Variants in LRRIQ3 observed in about 807,000 individuals in gnomAD.
LRRIQ3 encodes leucine-rich repeat and IQ domain-containing protein 3.
LRRIQ3 carries 75 observed loss-of-function variants against 59.3 expected under a neutral mutation model. That is an observed-to-expected ratio of 1.26 (90% CI 1.05 to 1.53). The LOEUF is 1.53. Ranked by LOEUF, LRRIQ3 falls within the 40% of genes most tolerant of loss-of-function variation. The pLI, the probability that LRRIQ3 is intolerant of heterozygous loss-of-function variation, is 0.00. For missense variants in LRRIQ3, 831 were observed against 710.0 expected (o/e 1.17, Z -1.94); for synonymous variants, 250 against 231.3 (o/e 1.08, Z -0.73).
At chr1:74,114,535 G>C (rs958662104) in intron 4 of LRRIQ3, among the ~76,000 whole-genome samples, 1 of 152,012 alleles carries the variant, frequency 6.6e-6, no homozygotes, top group Non-Finnish European at 1.5e-5. Context: ...AGGAGATCGA[G>C]AGCATCCTGG....
At chr1:74,168,358 C>G (rs960456411) in intron 3 of LRRIQ3, among the ~76,000 whole-genome samples, 1 of 152,060 alleles carries the variant, frequency 6.6e-6, no homozygotes, top group African/African-American at 2.4e-5. Flanking sequence ...TGATAATTCC[C>G]TTTGTGCTGA....
chr1:74,139,421 A>T (rs1289889705), intron 4 of LRRIQ3, among the ~76,000 whole-genome samples: 1 of 151,776 alleles, frequency 6.6e-6, no homozygotes, highest in Non-Finnish European at 1.5e-5. Flanking sequence ...TCTTTTTCTC[A>T]CCATAACAAC....
chr1:74,172,000 CT>C (rs1022931843), intron 3 of LRRIQ3, among the ~76,000 whole-genome samples: 10 of 152,026 alleles, frequency 6.6e-5, no homozygotes, highest in African/African-American at 2.2e-4. Flanking sequence ...TTTAAGTCTT[CT>C]TTTTTTCTGT....
chr1:74,071,086 G>GTT (rs1384164976), intron 6 of LRRIQ3, among the ~76,000 whole-genome samples: 16 of 148,030 alleles, frequency 1.1e-4, no homozygotes, highest in African/African-American at 7.6e-5. Flanking sequence ...AAATTTTATA[G>GTT]TTATATATAT....
At position 74,109,573 on chromosome 1, in the gene LRRIQ3, A is replaced by T; in HGVS notation, c.708-20T>A. The T allele has an allele frequency of 6.5e-7, 1 of 1,531,452 alleles. No individual in the cohort carries two copies. Among genetic ancestry groups the T allele is most frequent in the African/African-American group, 1.4e-5 (1 of 70,248 alleles). 94.9% of individuals were successfully genotyped at this position (1,531,452 alleles called of 1,614,324 possible). The stretch of plus-strand genomic sequence containing the variant: ...ACAGGGCTGAATATAAGGGGAGGGG[A>T]AAACTATTTGTTAGTTTTTTGCCAT... On this transcript the variant is annotated intron_variant, in intron 4 of 7. Coordinates refer to ENST00000354431, the MANE Select transcript of LRRIQ3 (RefSeq NM_001105659.2).
intron 5 of LRRIQ3, among the ~76,000 whole-genome samples, chr1:74,105,050 G>A (rs1406608712): frequency 6.6e-6 from 1 of 151,906 alleles, no homozygotes; most frequent in Admixed American, 6.6e-5. Flanking sequence ...CTATATTTAT[G>A]TTATCAAAAA....
intron 6 of LRRIQ3, among the ~76,000 whole-genome samples, chr1:74,064,797 T>C (rs1303341680): frequency 6.6e-6 from 1 of 152,084 alleles, no homozygotes; most frequent in Non-Finnish European, 1.5e-5. Context: ...AGTAAGTTAT[T>C]ATTCTCATTG....
intron 7 of LRRIQ3, among the ~76,000 whole-genome samples, chr1:74,032,958 T>G (rs902469277): frequency 3.9e-5 from 6 of 152,058 alleles, no homozygotes; most frequent in African/African-American, 1.2e-4. Flanking sequence ...TATAGAATTT[T>G]ATAAATATGG....
chr1:74,028,333 T>C (rs1653582827), intron 7 of LRRIQ3, among the ~76,000 whole-genome samples: 1 of 152,130 alleles, frequency 6.6e-6, no homozygotes, highest in Non-Finnish European at 1.5e-5. Context: ...AAGATATTCA[T>C]GTTCTTTCTC....
intron 5 of LRRIQ3, among the ~76,000 whole-genome samples, chr1:74,101,242 G>A (rs898480512): frequency 1.3e-5 from 2 of 152,070 alleles, no homozygotes; most frequent in Non-Finnish European, 2.9e-5. Context: ...TCAAAAAGTG[G>A]GCAATGGATA....
intron 4 of LRRIQ3, among the ~76,000 whole-genome samples, chr1:74,152,517 A>G (rs1246294932): frequency 1.3e-5 from 2 of 152,180 alleles, no homozygotes; most frequent in Admixed American, 1.3e-4. Context: ...GATTAAGCTA[A>G]TGAGTAAAAT....
intron 3 of LRRIQ3, among the ~76,000 whole-genome samples, chr1:74,164,152 A>G (rs896107023): frequency 6.6e-6 from 1 of 150,990 alleles, no homozygotes; most frequent in African/African-American, 2.4e-5. Flanking sequence ...AAGGCTTGAG[A>G]GTTGTATACA....
At position 74,182,849 on chromosome 1, in the gene LRRIQ3, G is replaced by C. The variant is rs189959977; in HGVS notation, c.262C>G (p.Pro88Ala). 8.1e-6 allele frequency: 12 copies of C among 1,485,352 alleles called. No homozygotes were observed. The East Asian group carries it at 2.9e-4, about 36-fold the overall frequency. 92.0% of individuals were successfully genotyped at this position (1,485,352 alleles called of 1,614,324 possible). Residue 88 changes from proline to alanine, a missense_variant, in exon 3 of 8, where the codon CCA becomes GCA. Transcript: ENST00000354431. ...DLHGNQIKSL[P>A]NTKFWNGLKN... Reference sequence around the variant, plus strand: ...AATCCATTCCAAAATTTGGTATTTGGTAGACTCTTTATCTGAAATATTATT... The same window carrying C: ...AATCCATTCCAAAATTTGGTATTTGCTAGACTCTTTATCTGAAATATTATT...
rs551188871 is a variant in LRRIQ3 at position 74,026,894 on chromosome 1, T to A, written c.1794A>T (p.Glu598Asp). ...MDMIAFEKAC[E>D]RLQDAKTKVA... ...CTTTTGTTTTAGCATCTTGAAGTCT[T>A]TCACAGGCTTTTTCAAAGGCAATCA... Residue 598 changes from glutamate to aspartate, a missense_variant, in exon 8 of 8, where the codon GAA becomes GAT. By Grantham distance (45) the Glu-to-Asp change is conservative. Transcript: ENST00000354431. The A allele has an allele frequency of 7.2e-5, 115 of 1,606,298 alleles. No homozygotes were observed. The Admixed American group carries it at 1.9e-3, about 26-fold the overall frequency.
At chr1:74,096,165 C>A (rs967216888) in intron 5 of LRRIQ3, among the ~76,000 whole-genome samples, 1 of 151,918 alleles carries the variant, frequency 6.6e-6, no homozygotes, top group East Asian at 1.9e-4. Flanking sequence ...GCTTAATAAC[C>A]CAGAGATTTT....
intron 5 of LRRIQ3, chr1:74,084,131 T>C (rs1036032281): frequency 1.6e-5 from 25 of 1,532,848 alleles, no homozygotes; most frequent in Non-Finnish European, 2.1e-5. Context: ...ATGAATGATG[T>C]GCATAATTCC....
intron 1 of LRRIQ3, among the ~76,000 whole-genome samples, chr1:74,196,539 T>G (rs1298998701): frequency 6.6e-6 from 1 of 152,136 alleles, no homozygotes; most frequent in African/African-American, 2.4e-5. Flanking sequence ...ACATATTCAC[T>G]GCATACACAT....
intron 5 of LRRIQ3, chr1:74,095,204 C>T (rs529144853): frequency 6.6e-6 from 1 of 152,038 alleles, no homozygotes. Flanking sequence ...AAATAGAGGC[C>T]ATGTATGCTG....
intron 4 of LRRIQ3, among the ~76,000 whole-genome samples, chr1:74,126,942 G>A (rs2100599789): frequency 6.6e-6 from 1 of 152,012 alleles, no homozygotes; most frequent in East Asian, 1.9e-4. Flanking sequence ...AATACTGAAA[G>A]TGGGGTGCTG....
Sources: gnomAD v4.1 joint callset for allele counts (sites outside exome capture counted in the v4.1 genomes callset) on GRCh38, gnomAD v4.1.1 for gene constraint, MANE v1.5 for transcripts, NCBI Gene and HGNC (gene_info 2026-07-23, HGNC 2026-07-21) for gene names.